The following COL9A3 variants were observed in gnomAD, a reference collection of about 807,000 sequenced individuals.
COL9A3 encodes the protein collagen alpha-3(IX) chain.
A neutral mutation model predicts 110.2 loss-of-function variants in COL9A3; 82 were observed. The ratio of observed to expected loss-of-function variants is 0.74; its 90% confidence interval spans 0.62 to 0.89. The LOEUF is 0.89. Ranked by LOEUF, COL9A3 falls within the 40% of genes least tolerant of loss-of-function variation. COL9A3 has a pLI of 0.00. For missense variants in COL9A3, 1,066 were observed against 981.3 expected, an observed-to-expected ratio of 1.09 and a Z score of -1.15; for synonymous variants, 494 against 403.8, an observed-to-expected ratio of 1.22 and a Z score of -2.68.
In COL9A3 at chr20:62,829,690, C is replaced by G; in HGVS notation, c.1107+9C>G. ...GAGAGCCAGGCGTCCCTGTGAGTATCTGCGGCGCCCCAGACCCCTCCCCAT... is the reference window on the plus strand; with the variant it reads ...GAGAGCCAGGCGTCCCTGTGAGTATGTGCGGCGCCCCAGACCCCTCCCCAT... On this transcript the variant is annotated intron_variant, in intron 21 of 31. Coordinates refer to ENST00000649368, the MANE Select transcript of COL9A3 (RefSeq NM_001853.4). 3 of 1,606,700 alleles carry G rather than the reference C, an allele frequency of 1.9e-6. No homozygotes were observed. Among genetic ancestry groups the G allele is most frequent in the Non-Finnish European group, 2.5e-6 (3 of 1,177,522 alleles).
chr20:62,825,677 C>A, intron 12 of COL9A3, 140 bp from the exon 13 acceptor site: 1 of 851,470 alleles, frequency 1.2e-6, no homozygotes, highest in Non-Finnish European at 2.0e-6. Flanking sequence ...GCAAGTGTCC[C>A]CTTCACAGAG....
chr20:62,829,915 C>G, intron 22 of COL9A3, 96 bp downstream of exon 22: 1 of 1,437,774 alleles, frequency 7.0e-7, no homozygotes, highest in East Asian at 2.5e-5. Flanking sequence ...ATTTGGTTGC[C>G]TTGATGGGCC....
chr20:62,818,460 C>A (rs536836788), intron 2 of COL9A3, 58 bp from the exon 3 acceptor site: 253 of 1,514,698 alleles, frequency 1.7e-4, no homozygotes, highest in Non-Finnish European at 2.3e-4. Context: ...TTCCCCGAGG[C>A]GGGGTTCTTG....
intron 29 of COL9A3, 36 bp downstream of exon 29, chr20:62,836,568 C>T (rs775385788): frequency 5.6e-6 from 8 of 1,421,462 alleles, no homozygotes; most frequent in South Asian, 2.3e-5. Context: ...CAGCGGGGCC[C>T]ATCCCCGCCT....
In COL9A3 at chr20:62,837,171, C is replaced by T. The variant is rs886056912; in HGVS notation, c.1692C>T (p.Pro564=). 12 of 1,612,308 alleles carry T rather than the reference C, an allele frequency of 7.4e-6. No homozygotes were observed. Among genetic ancestry groups the T allele is most frequent in the East Asian group, 2.2e-5 (1 of 44,846 alleles). Residue 564 remains proline (P), a synonymous_variant, in exon 30 of 32, where the codon CCC becomes CCT. Transcript: ENST00000649368. ...CCGGTCCAGCTGGCCCCCCTGGGCC[C>T]CCAGGACCCCCAGGCTCCATTGGTC... ...GRPGPAGPPG[P]PGPPGSIGHP...
intron 12 of COL9A3, 90 bp from the exon 13 acceptor site, chr20:62,825,727 T>C (rs2063546973): frequency 7.5e-7 from 1 of 1,340,024 alleles, no homozygotes; most frequent in Admixed American, 2.0e-5. Context: ...CACCCCCAGC[T>C]GCTTGGGCTT....
Position 62,835,919 on chromosome 20 carries a change from AG to A in COL9A3, c.1370del. 6.2e-7 allele frequency: 1 copy of A among 1,614,206 alleles called. No homozygotes were observed. The highest frequency in any genetic ancestry group is 8.5e-7 in the Non-Finnish European group (1 of 1,180,028). On this transcript the variant is annotated splice_acceptor_variant, in intron 26 of 31. Coordinates refer to ENST00000649368, the MANE Select transcript of COL9A3 (RefSeq NM_001853.4). LOFTEE classifies it high-confidence loss of function. The stretch of plus-strand genomic sequence containing the variant: ...TCAAACACACAACTTTTCTCTTCAC[AG>A]GGTCCCAGCGGCCTGGTCGGACCCA...
rs1180202471 is a variant in COL9A3 at position 62,817,057 on chromosome 20, G to A, written c.-8G>A. The A allele has an allele frequency of 8.2e-6, 11 of 1,348,632 alleles. No individual in the cohort carries two copies. The East Asian group carries it at 2.1e-4, about 26-fold the overall frequency. The allele number at this position is 1,348,632 out of a possible 1,614,324, so 83.5% of individuals were successfully genotyped here. Reference sequence around the variant, plus strand: ...GCCCCGACGCCGCAGCTCAGACTCCGCTCAGCCATGGCCGGGCCGCGCGCG... The same window carrying A: ...GCCCCGACGCCGCAGCTCAGACTCCACTCAGCCATGGCCGGGCCGCGCGCG... On this transcript the variant is annotated 5_prime_UTR_variant, in exon 1 of 32. Coordinates refer to ENST00000649368, the MANE Select transcript of COL9A3 (RefSeq NM_001853.4).
At chr20:62,820,824 G>C (rs921570230) in intron 5 of COL9A3, among the ~76,000 whole-genome samples, 7 of 152,182 alleles carry the variant, frequency 4.6e-5, no homozygotes, top group African/African-American at 1.4e-4. Context: ...CAAGGCTCTG[G>C]GGCTCGCTGA....
chr20:62,826,197 C>T lies in COL9A3; in HGVS notation c.685-7C>T. ...CCAGCCTCTGCATCTGTGCCTCTCT[C>T]TCGCAGGGCCCCCGGGGATTACGAG... On this transcript the variant is annotated splice_region_variant and splice_polypyrimidine_tract_variant and intron_variant, in intron 13 of 31. Transcript: ENST00000649368. 6.4e-7 allele frequency: 1 copy of T among 1,559,062 alleles called. No homozygotes were observed. The highest frequency in any genetic ancestry group is 8.7e-7 in the Non-Finnish European group (1 of 1,152,082).
chr20:62,836,163 C>G (rs1471365791), intron 27 of COL9A3, 24 bp from the exon 28 acceptor site: 1 of 1,611,936 alleles, frequency 6.2e-7, no homozygotes, highest in Non-Finnish European at 8.5e-7. Flanking sequence ...CGCCCCTGAC[C>G]CACCTTCCTC....
intron 2 of COL9A3, among the ~76,000 whole-genome samples, chr20:62,818,240 C>T (rs1187605227): frequency 6.6e-6 from 1 of 152,204 alleles, no homozygotes; most frequent in Non-Finnish European, 1.5e-5. Flanking sequence ...AGGGCTGCAC[C>T]AAGAGCCCCC....
chr20:62,821,835 CAG>C (rs1215903305), intron 8 of COL9A3, 25 bp downstream of exon 8: 1 of 1,527,750 alleles, frequency 6.5e-7, no homozygotes, highest in Non-Finnish European at 9.0e-7. Context: ...CAGAGCCCCT[CAG>C]AGTGTGCTCA....
chr20:62,828,664 G>A, intron 17 of COL9A3, 100 bp from the exon 18 acceptor site: 1 of 1,365,566 alleles, frequency 7.3e-7, no homozygotes, highest in Admixed American at 1.8e-5. Flanking sequence ...GGCAGACACA[G>A]TTTTAGGTTG....
Position 62,832,162 on chromosome 20 carries a change from A to T in COL9A3, c.1296A>T (p.Gly432=), listed in dbSNP as rs1204712242. The stretch of plus-strand genomic sequence containing the variant: ...CTTCTCTCCACATCCAGGGTCCGGG[A>T]GGTGCCGCAGGCCCTAAGGGAGACC... ...LRGDVGDRGP[G]GAAGPKGDQG... Residue 432 remains glycine (G), a synonymous_variant, in exon 25 of 32, where the codon GGA becomes GGT. Transcript: ENST00000649368. 5 of 1,612,950 alleles carry T rather than the reference A, an allele frequency of 3.1e-6. No individual in the cohort carries two copies. The South Asian group carries it at 3.3e-5, about 11-fold the overall frequency.
rs149288125 is a variant in COL9A3, at chr20:62,830,586, C to G, written c.1285C>G (p.Arg429Gly). The G allele has an allele frequency of 6.3e-7, 1 of 1,598,974 alleles. No individual in the cohort carries two copies. Among genetic ancestry groups the G allele is most frequent in the Non-Finnish European group, 8.5e-7 (1 of 1,174,272 alleles). The change falls in exon 24 of 32, where the codon CGG becomes GGG. Residue 429 changes from arginine (R) to glycine (G), a missense_variant and splice_region_variant. Coordinates refer to ENST00000649368, the MANE Select transcript of COL9A3 (RefSeq NM_001853.4). ...PQGLRGDVGD[R>G]GPGGAAGPKG... ...GGGCCTCCGAGGTGACGTGGGCGAC[C>G]GGGTAAGTGGCCCTCTCAGCAGGAA...
rs778768375 is a variant in COL9A3 at position 62,830,429 on chromosome 20, G to A, written c.1215+16G>A. The A allele has an allele frequency of 1.3e-6, 2 of 1,565,418 alleles. No homozygotes were observed. The highest frequency in any genetic ancestry group is 4.7e-5 in the East Asian group (2 of 42,614). On this transcript the variant is annotated intron_variant, in intron 23 of 31. Coordinates refer to ENST00000649368, the MANE Select transcript of COL9A3 (RefSeq NM_001853.4). Reference sequence around the variant, plus strand: ...AGGCTTCCAGGTGGGTGAGGTTGGGGCAAGGGCCTGGCATGGGGGGCGGCA... The same window carrying A: ...AGGCTTCCAGGTGGGTGAGGTTGGGACAAGGGCCTGGCATGGGGGGCGGCA...
Position 62,819,971 on chromosome 20 carries a change from C to A in COL9A3, c.298C>A (p.Pro100Thr). ...TGGACCCCCTGGACCCAAGGGTGCC[C>A]CTGGGGAACGGGTAAGTGCCTGCGC... ...RDGPPGPKGAPGERGSLGPPG... is the reference protein window; with the variant it reads ...RDGPPGPKGATGERGSLGPPG... The change falls in exon 5 of 32, where the codon CCT becomes ACT. Residue 100 changes from proline to threonine, a missense_variant. By Grantham distance (38) the Pro-to-Thr change is conservative (BLOSUM62 -1). Coordinates refer to ENST00000649368, the MANE Select transcript of COL9A3 (RefSeq NM_001853.4). 1 of 1,612,298 alleles carries A rather than the reference C, an allele frequency of 6.2e-7. No individual in the cohort carries two copies. The highest frequency in any genetic ancestry group is 8.5e-7 in the Non-Finnish European group (1 of 1,179,770).
intron 16 of COL9A3, 49 bp from the exon 17 acceptor site, chr20:62,827,874 C>T: frequency 1.3e-6 from 2 of 1,593,916 alleles, no homozygotes; most frequent in South Asian, 2.2e-5. Flanking sequence ...ATGCGTGAGG[C>T]CGTCTGGGAA....
Sources: gnomAD v4.1 joint callset for allele counts (sites outside exome capture counted in the v4.1 genomes callset) on GRCh38, gnomAD v4.1.1 for gene constraint, MANE v1.5 for transcripts, NCBI Gene and HGNC (gene_info 2026-07-23, HGNC 2026-07-21) for gene names.